The following RAB28 variants were observed in gnomAD, a reference collection of about 807,000 sequenced individuals.
RAB28 encodes RAB28, member RAS oncogene family, also known as ras-related protein Rab-28.
In RAB28, 24 loss-of-function variants were observed where a neutral mutation model predicts 31.7. That is an observed-to-expected ratio of 0.76 (90% CI 0.55 to 1.06). The LOEUF (loss-of-function observed/expected upper bound fraction) is 1.06. Ranked by LOEUF, RAB28 falls within the 50% of genes least tolerant of loss-of-function variation. RAB28 has a pLI of 0.00. For missense variants in RAB28, 254 were observed against 258.5 expected, an observed-to-expected ratio of 0.98 and a Z score of 0.12; for synonymous variants, 100 against 90.4, an observed-to-expected ratio of 1.11 and a Z score of -0.60.
At chr4:13,455,340 T>C (rs977444112) in intron 4 of RAB28, among the ~76,000 whole-genome samples, 3 of 152,204 alleles carry the variant, frequency 2.0e-5, no homozygotes, top group African/African-American at 7.2e-5. Flanking sequence ...AAGGGCAGGT[T>C]TGCCCTGGGG....
chr4:13,383,353 T>C lies in RAB28; in HGVS notation c.392-1759A>G, dbSNP rs575345731. Reference sequence around the variant, plus strand: ...TACATTTGTTTTTTCTAATGGTTTATTGCTTTTTATTTCTCTTTCTCCCTC... The same window carrying C: ...TACATTTGTTTTTTCTAATGGTTTACTGCTTTTTATTTCTCTTTCTCCCTC... On this transcript the variant is annotated intron_variant, in intron 4 of 6. Coordinates refer to ENST00000330852, the MANE Select transcript of RAB28 (RefSeq NM_001017979.3). 3.3e-4 allele frequency among the ~76,000 whole-genome samples: 50 copies of C among 152,310 alleles called. No homozygotes were observed. The South Asian group carries it at 8.5e-3, about 26-fold the overall frequency.
chr4:13,433,313 T>C (rs1045115796), intron 4 of RAB28, among the ~76,000 whole-genome samples: 2 of 150,682 alleles, frequency 1.3e-5, no homozygotes, highest in Admixed American at 1.3e-4. Flanking sequence ...ACAAGTGAGA[T>C]CTAATTAAAC....
At chr4:13,380,459 A>G (rs55727530) in intron 5 of RAB28, among the ~76,000 whole-genome samples, 14,173 of 151,746 alleles carry the variant, frequency 0.093, 1,302 homozygotes, top group African/African-American at 0.24. Context: ...ATTTCTAAAT[A>G]CAATAGAAAG....
chr4:13,371,563 C>G (rs1025461770), intron 6 of RAB28: 1 of 985,180 alleles, frequency 1.0e-6, no homozygotes, highest in South Asian at 4.7e-5. Flanking sequence ...GAAGAATTAA[C>G]AAGACAGCAT....
rs534939557 is a variant in RAB28 at position 13,477,672 on chromosome 4, T to C, written c.172+1758A>G. Among the ~76,000 whole-genome samples the C allele has an allele frequency of 2.4e-3, 370 of 151,508 alleles. 3 individuals are homozygous for C. The highest frequency in any genetic ancestry group is 8.4e-3 in the African/African-American group (348 of 41,504). The stretch of plus-strand genomic sequence containing the variant: ...TAAAAAAAAAATAGAAGTTTTTTTC[T>C]GGAACTTTGCCATCAAAATAAAAAC... On this transcript the variant is annotated intron_variant, in intron 2 of 6. Transcript: ENST00000330852.
chr4:13,453,773 T>C (rs1245982601), intron 4 of RAB28, among the ~76,000 whole-genome samples: 1 of 152,192 alleles, frequency 6.6e-6, no homozygotes, highest in African/African-American at 2.4e-5. Context: ...TCTTTGACTT[T>C]TGACAATTTG....
intron 3 of RAB28, among the ~76,000 whole-genome samples, chr4:13,464,265 G>C (rs951230475): frequency 9.9e-5 from 15 of 152,026 alleles, no homozygotes; most frequent in African/African-American, 3.6e-4. Flanking sequence ...TCCTCTCAAG[G>C]CTCTGGCATG....
At chr4:13,390,925 A>C (rs546464840) in intron 4 of RAB28, among the ~76,000 whole-genome samples, 2 of 152,332 alleles carry the variant, frequency 1.3e-5, no homozygotes, top group Admixed American at 6.5e-5. Context: ...TAAAGACTTA[A>C]ATGTTAGACC....
intron 6 of RAB28, among the ~76,000 whole-genome samples, chr4:13,375,585 G>A (rs1728886645): frequency 6.6e-6 from 1 of 152,204 alleles, no homozygotes; most frequent in South Asian, 2.1e-4. Flanking sequence ...CTGTGTCTGG[G>A]AGCTATTTAA....
chr4:13,455,036 G>T (rs1410449387), intron 4 of RAB28, among the ~76,000 whole-genome samples: 1 of 152,192 alleles, frequency 6.6e-6, no homozygotes, highest in African/African-American at 2.4e-5. Flanking sequence ...ATTTGGTAGG[G>T]GCAGCCCATG....
chr4:13,472,223 C>T (rs1275834610), intron 3 of RAB28, among the ~76,000 whole-genome samples: 2 of 151,954 alleles, frequency 1.3e-5, no homozygotes, highest in African/African-American at 4.8e-5. Flanking sequence ...TCATAGCTCA[C>T]TGCAACCTCA....
intron 5 of RAB28, among the ~76,000 whole-genome samples, chr4:13,381,155 A>C (rs921296527): frequency 6.6e-6 from 1 of 152,038 alleles, no homozygotes; most frequent in Admixed American, 6.5e-5. Flanking sequence ...GCACTCAATG[A>C]ATGCCATCTC....
rs1728573963 is a variant in RAB28, at chr4:13,368,008, A to C, written c.*550T>G. 1 of 971,780 alleles carries C rather than the reference A, an allele frequency of 1.0e-6. No homozygotes were observed. The highest frequency in any genetic ancestry group is 1.2e-6 in the Non-Finnish European group (1 of 817,704). The allele number at this position is 971,780 out of a possible 1,614,324, so 60.2% of individuals were successfully genotyped here. ...TTAGGCCCTTTTTTAAAAAATGAAA[A>C]AATATTTCTATTACAGGCTTATTTC... On this transcript the variant is annotated 3_prime_UTR_variant, in exon 7 of 7. Transcript: ENST00000330852.
At chr4:13,444,036 T>C (rs920061978) in intron 4 of RAB28, among the ~76,000 whole-genome samples, 1 of 151,792 alleles carries the variant, frequency 6.6e-6, no homozygotes, top group East Asian at 1.9e-4. Flanking sequence ...TTTTTTTTCT[T>C]TTTTTTATCA....
chr4:13,460,612 T>C, intron 4 of RAB28, 87 bp downstream of exon 4: 1 of 1,528,396 alleles, frequency 6.5e-7, no homozygotes, highest in East Asian at 2.3e-5. Flanking sequence ...CTTTGACATA[T>C]AAATTGGGGG....
chr4:13,484,299 T>A lies in RAB28; in HGVS notation c.-149A>T. On this transcript the variant is annotated 5_prime_UTR_variant, in exon 1 of 7. An upstream open reading frame in the 5' UTR loses its in-frame stop. Transcript: ENST00000330852. Reference sequence around the variant, plus strand: ...GCCGGCAGGAGGTATTCGAGGAGAATCACTCGGCAAGCGCCATCTTGCCCA... The same window carrying A: ...GCCGGCAGGAGGTATTCGAGGAGAAACACTCGGCAAGCGCCATCTTGCCCA... The A allele has an allele frequency of 1.6e-6, 1 of 645,158 alleles. No individual in the cohort carries two copies. Among genetic ancestry groups the A allele is most frequent in the Non-Finnish European group, 2.8e-6 (1 of 353,210 alleles). 40.0% of individuals were successfully genotyped at this position (645,158 alleles called of 1,614,324 possible). A position where few individuals can be genotyped will look rare whatever the true frequency, so the allele number is the denominator to read the frequency against.
intron 4 of RAB28, among the ~76,000 whole-genome samples, chr4:13,460,233 T>TTC: frequency 6.6e-6 from 1 of 152,278 alleles, no homozygotes; most frequent in Admixed American, 6.5e-5. Flanking sequence ...CAAACTTCGG[T>TTC]AAGTAAAGTC....
intron 6 of RAB28, 31 bp downstream of exon 6, chr4:13,376,514 A>C: frequency 6.0e-6 from 9 of 1,506,408 alleles, no homozygotes; most frequent in Non-Finnish European, 8.1e-6. Flanking sequence ...AAATTCATTA[A>C]TTTTTTAAAT....
At chr4:13,405,389 C>T (rs926844590) in intron 4 of RAB28, among the ~76,000 whole-genome samples, 2 of 152,046 alleles carry the variant, frequency 1.3e-5, no homozygotes, top group South Asian at 4.2e-4. Flanking sequence ...AAGCTGTCAG[C>T]CTATAAGAAA....
Sources: allele counts gnomAD v4.1 joint callset (sites outside exome capture counted in the v4.1 genomes callset), GRCh38; gene constraint gnomAD v4.1.1; transcripts MANE v1.5; gene names NCBI Gene and HGNC (gene_info 2026-07-23, HGNC 2026-07-21).